GTF2A2: variants seen among roughly 807,000 people sequenced by gnomAD.
GTF2A2 encodes transcription initiation factor IIA subunit 2.
In GTF2A2, 9 loss-of-function variants were observed where a neutral mutation model predicts 14.3. The observed-to-expected ratio is 0.63, with a 90% CI of 0.38 to 1.10. The LOEUF is 1.10. Among genes scored for constraint, GTF2A2 ranks in the 50% least tolerant of loss-of-function variants. The pLI is 0.01. For missense variants in GTF2A2, 90 were observed against 124.6 expected, an observed-to-expected ratio of 0.72 and a Z score of 1.32; for synonymous variants, 56 against 46.0, an observed-to-expected ratio of 1.22 and a Z score of -0.88.
At chr15:59,644,699 G>A (rs1182492586) in intron 3 of GTF2A2, among the ~76,000 whole-genome samples, 2 of 152,204 alleles carry the variant, frequency 1.3e-5, no homozygotes, top group African/African-American at 4.8e-5. Flanking sequence ...AGTTTAAGTT[G>A]AGTCCTAAAG....
intron 4 of GTF2A2, among the ~76,000 whole-genome samples, chr15:59,641,269 A>G (rs1891416067): frequency 1.3e-5 from 2 of 151,822 alleles, no homozygotes; most frequent in African/African-American, 4.9e-5. Flanking sequence ...TTTTGCAAAA[A>G]AAAGTTATAA....
intron 4 of GTF2A2, 127 bp from the exon 5 acceptor site, chr15:59,639,284 G>C (rs879047027): frequency 5.8e-6 from 4 of 689,600 alleles, no homozygotes. Flanking sequence ...GCAGGGTGGG[G>C]AAGAACAGGA....
chr15:59,645,718 T>G (rs1382749523), intron 3 of GTF2A2, among the ~76,000 whole-genome samples: 2 of 152,148 alleles, frequency 1.3e-5, no homozygotes, highest in African/African-American at 4.8e-5. Flanking sequence ...CCTGAAGTTG[T>G]GTGTAATCCA....
chr15:59,641,945 T>G (rs1451480449), intron 4 of GTF2A2, among the ~76,000 whole-genome samples, 191 bp downstream of exon 4: 1 of 152,212 alleles, frequency 6.6e-6, no homozygotes, highest in Non-Finnish European at 1.5e-5. Flanking sequence ...CTATATGTTA[T>G]TAAGTCACAA....
intron 1 of GTF2A2, among the ~76,000 whole-genome samples, chr15:59,654,884 C>G (rs552832895): frequency 2.0e-5 from 3 of 152,212 alleles, no homozygotes; most frequent in South Asian, 2.1e-4. Context: ...GATTGAGTAC[C>G]CCAAATTCAA....
At chr15:59,645,727 C>T (rs1187875475) in intron 3 of GTF2A2, among the ~76,000 whole-genome samples, 5 of 152,074 alleles carry the variant, frequency 3.3e-5, no homozygotes. Flanking sequence ...GTGTGTAATC[C>T]ACGATCTTAA....
At position 59,652,024 on chromosome 15, in the gene GTF2A2, G is replaced by A. The variant is rs1345160987; in HGVS notation, c.72+182C>T. 8.0e-6 allele frequency: 4 copies of A among 502,620 alleles called. No individual in the cohort carries two copies. The Admixed American group carries it at 1.5e-4, about 19-fold the overall frequency. 31.1% of individuals were successfully genotyped at this position (502,620 alleles called of 1,614,324 possible). A position where few individuals can be genotyped will look rare whatever the true frequency, so the allele number is the denominator to read the frequency against. On this transcript the variant is annotated intron_variant, in intron 2 of 4. Transcript: ENST00000396060. ...TAATGATATCATTCAATCATGTTTT[G>A]TGTCCTGTTGTCAGGACAGTGTAAT...
chr15:59,644,301 G>A (rs1190380094), intron 3 of GTF2A2: 1 of 152,236 alleles, frequency 6.6e-6, no homozygotes, highest in Non-Finnish European at 1.5e-5. Flanking sequence ...AGGAAATTTA[G>A]TAGGCAACAC....
chr15:59,650,454 A>T (rs529633701), intron 3 of GTF2A2, among the ~76,000 whole-genome samples: 1 of 152,342 alleles, frequency 6.6e-6, no homozygotes, highest in South Asian at 2.1e-4. Flanking sequence ...ACAATGAAAT[A>T]AAAATCTAAA....
intron 4 of GTF2A2, among the ~76,000 whole-genome samples, chr15:59,640,432 G>C (rs1891373284): frequency 6.6e-6 from 1 of 152,186 alleles, no homozygotes; most frequent in African/African-American, 2.4e-5. Context: ...TCAAATGACT[G>C]AAACTGACAC....
intron 3 of GTF2A2, among the ~76,000 whole-genome samples, chr15:59,648,395 T>G (rs1176431648): frequency 1.2e-5 from 1 of 82,946 alleles, no homozygotes; most frequent in African/African-American, 4.8e-5. Context: ...GTAACAGACT[T>G]CGTCTCAAAA....
Position 59,639,375 on chromosome 15 carries a change from T to C in GTF2A2, c.305-218A>G, listed in dbSNP as rs189845338. Among the ~76,000 whole-genome samples the C allele has an allele frequency of 6.8e-4, 104 of 152,098 alleles. 1 individual carries two copies. In the East Asian group the frequency reaches 0.019, roughly 27 times the overall value. On this transcript the variant is annotated intron_variant, in intron 4 of 4. Transcript: ENST00000396060. ...ATACAAAGATGCTTAGCTCCTCATA[T>C]TCATACTAGAGTAAAACTAAGTTGA...
chr15:59,643,800 G>A (rs1389790389), intron 3 of GTF2A2, among the ~76,000 whole-genome samples: 1 of 151,298 alleles, frequency 6.6e-6, no homozygotes, highest in Non-Finnish European at 1.5e-5. Context: ...GTTTCACCAT[G>A]TTGTCCAGGC....
At position 59,650,784 on chromosome 15, in the gene GTF2A2, G is replaced by T; in HGVS notation, c.73-11C>A. 1.4e-6 allele frequency: 2 copies of T among 1,411,808 alleles called. No homozygotes were observed. Among genetic ancestry groups the T allele is most frequent in the South Asian group, 1.2e-5 (1 of 85,840 alleles). 87.5% of individuals were successfully genotyped at this position (1,411,808 alleles called of 1,614,324 possible). On this transcript the variant is annotated splice_polypyrimidine_tract_variant and intron_variant, in intron 2 of 4. Coordinates refer to ENST00000396060, the MANE Select transcript of GTF2A2 (RefSeq NM_004492.3). ...GGTGATCTGTTGAGACTGAGAAAAG[G>T]TAAAGGTCATAAATCCCGTTAAGGA...
intron 4 of GTF2A2, among the ~76,000 whole-genome samples, chr15:59,640,789 AG>A (rs1337919465): frequency 6.6e-6 from 1 of 152,246 alleles, no homozygotes; most frequent in Admixed American, 6.5e-5. Context: ...TTTCAAATAT[AG>A]AAATGTTATC....
Position 59,656,523 on chromosome 15 carries a change from TTTTTA to T in GTF2A2, c.-50+878_-50+882del, listed in dbSNP as rs548279202. Among the ~76,000 whole-genome samples the T allele has an allele frequency of 9.9e-5, 15 of 152,260 alleles. No individual in the cohort carries two copies. In the East Asian group the frequency reaches 2.9e-3, roughly 29 times the overall value. ...AATGTAAGCTCCATGAGGGCAAAGC[TTTTTA>T]TTTTGTTCACTTAAGTAAAATAGGC... On this transcript the variant is annotated intron_variant, in intron 1 of 4. Coordinates refer to ENST00000396060, the MANE Select transcript of GTF2A2 (RefSeq NM_004492.3).
At chr15:59,642,711 A>C (rs1891470917) in intron 3 of GTF2A2, among the ~76,000 whole-genome samples, 3 of 152,258 alleles carry the variant, frequency 2.0e-5, no homozygotes, top group Admixed American at 6.5e-5. Flanking sequence ...GCATTACTGC[A>C]TCGGTCACTA....
In GTF2A2 at chr15:59,638,341, A is replaced by AC. The variant is rs1343322367; in HGVS notation, c.*790dup. On this transcript the variant is annotated 3_prime_UTR_variant, in exon 5 of 5. Coordinates refer to ENST00000396060, the MANE Select transcript of GTF2A2 (RefSeq NM_004492.3). ...CAGTTAACCATGTAAGAAACTCCTC[A>AC]CCTAGGGTCAGTATGTTACTTCTGT... 6.6e-6 allele frequency: 1 copy of AC among 152,108 alleles called. No homozygotes were observed. Among genetic ancestry groups the AC allele is most frequent in the African/African-American group, 2.4e-5 (1 of 41,408 alleles). The allele number at this position is 152,108 out of a possible 1,614,324, so 9.4% of individuals were successfully genotyped here.
At chr15:59,648,826 C>T (rs954861254) in intron 3 of GTF2A2, among the ~76,000 whole-genome samples, 1 of 151,818 alleles carries the variant, frequency 6.6e-6, no homozygotes, top group African/African-American at 2.4e-5. Context: ...CCCAGCTACT[C>T]GGGGGGCTGA....
Sources: gnomAD v4.1 joint callset for allele counts (sites outside exome capture counted in the v4.1 genomes callset) on GRCh38, gnomAD v4.1.1 for gene constraint, MANE v1.5 for transcripts, NCBI Gene and HGNC (gene_info 2026-07-23, HGNC 2026-07-21) for gene names.